Variants in CNR2 observed in about 807,000 individuals in gnomAD.
CNR2 encodes cannabinoid receptor 2.
For missense variants in CNR2, 379 were observed against 439.9 expected (o/e 0.86, Z 1.24); for synonymous variants, 172 against 182.2 (o/e 0.94, Z 0.45).
Position 23,899,155 on chromosome 1 carries a change from G to A in CNR2, c.-46+14091C>T, listed in dbSNP as rs571855994. 6.7e-4 allele frequency among the ~76,000 whole-genome samples: 102 copies of A among 152,096 alleles called. 1 individual carries two copies. The highest frequency in any genetic ancestry group is 2.3e-3 in the African/African-American group (95 of 41,482). On this transcript the variant is annotated intron_variant, in intron 1 of 1. Coordinates refer to ENST00000374472, the MANE Select transcript of CNR2 (RefSeq NM_001841.3). ...TGGAGATAGACTGTCTCATTTTCACGATCTTATCTATGAGGAACCAGAGGC... is the reference window on the plus strand; with the variant it reads ...TGGAGATAGACTGTCTCATTTTCACAATCTTATCTATGAGGAACCAGAGGC...
At chr1:23,880,473 C>T (rs1639963991) in intron 1 of CNR2, among the ~76,000 whole-genome samples, 3 of 152,096 alleles carry the variant, frequency 2.0e-5, no homozygotes, top group South Asian at 4.1e-4. Flanking sequence ...TGCACCTAGC[C>T]CAACCTCCAG....
At chr1:23,902,734 T>C in intron 1 of CNR2, 1 of 1,558,598 alleles carries the variant, frequency 6.4e-7, no homozygotes, top group Non-Finnish European at 8.6e-7. Context: ...TCGCGCAGCG[T>C]GGGGGACCGC....
chr1:23,894,502 A>G (rs1284497757), intron 1 of CNR2, among the ~76,000 whole-genome samples: 4 of 148,720 alleles, frequency 2.7e-5, no homozygotes, highest in Admixed American at 6.7e-5. Flanking sequence ...GGAAGGAAGG[A>G]AGGGAGGGAA....
chr1:23,890,555 G>A (rs1402884391), intron 1 of CNR2, among the ~76,000 whole-genome samples: 1 of 151,988 alleles, frequency 6.6e-6, no homozygotes, highest in Non-Finnish European at 1.5e-5. Context: ...AGACCAGACT[G>A]GCCAACATGG....
chr1:23,878,812 AATTTT>A (rs1639931478), intron 1 of CNR2, among the ~76,000 whole-genome samples: 2 of 152,238 alleles, frequency 1.3e-5, no homozygotes, highest in African/African-American at 4.8e-5. Flanking sequence ...AACCATAATT[AATTTT>A]AAGAGCAGAT....
chr1:23,898,335 C>CCAATTTTTTTTTTTTT (rs1230917304), intron 1 of CNR2, among the ~76,000 whole-genome samples: 1 of 108,226 alleles, frequency 9.2e-6, no homozygotes, highest in Non-Finnish European at 1.8e-5. Context: ...CCGCGCCCGG[C>CCAATTTTTTTTTTTTT]TTTTTTTTTT....
chr1:23,875,344 C>G lies in CNR2; in HGVS notation c.274G>C (p.Val92Leu), dbSNP rs772338354. Residue 92 changes from valine (V) to leucine (L), a missense_variant, in exon 2 of 2, where the codon GTG (valine) becomes CTG (leucine). Transcript: ENST00000374472. ...LASVVFACSF[V>L]NFHVFHGVDS... is the part of the protein sequence containing the mutation. Reference sequence around the variant, plus strand: ...ACACCATGGAAAACATGGAAATTCACAAAGCTGCATGCAAAGACCACACTG... The same window carrying G: ...ACACCATGGAAAACATGGAAATTCAGAAAGCTGCATGCAAAGACCACACTG... 9.3e-6 allele frequency: 15 copies of G among 1,614,106 alleles called. No individual in the cohort carries two copies. Among genetic ancestry groups the G allele is most frequent in the Non-Finnish European group, 1.3e-5 (15 of 1,180,048 alleles).
rs1380841340 is a variant in CNR2, at chr1:23,873,206, C to G, written c.*1329G>C. The G allele has an allele frequency of 1.3e-5, 2 of 152,018 alleles. No homozygotes were observed. The highest frequency in any genetic ancestry group is 2.9e-5 in the Non-Finnish European group (2 of 68,006). 9.4% of individuals were successfully genotyped at this position (152,018 alleles called of 1,614,324 possible). On this transcript the variant is annotated 3_prime_UTR_variant, in exon 2 of 2. Transcript: ENST00000374472. ...GGCTCCTCTGGGAGGAACCCAGCCT[C>G]CCTCATATGAAAAATGAGTACCCTG...
At chr1:23,896,503 A>T (rs910510874) in intron 1 of CNR2, among the ~76,000 whole-genome samples, 1 of 152,246 alleles carries the variant, frequency 6.6e-6, no homozygotes, top group Non-Finnish European at 1.5e-5. Flanking sequence ...TATAGATGCT[A>T]TATATGTGAA....
At chr1:23,886,970 A>G (rs1334206758) in intron 1 of CNR2, among the ~76,000 whole-genome samples, 1 of 152,168 alleles carries the variant, frequency 6.6e-6, no homozygotes, top group Non-Finnish European at 1.5e-5. Flanking sequence ...CAGTGGCACA[A>G]TCTCGGCTCA....
intron 1 of CNR2, among the ~76,000 whole-genome samples, chr1:23,889,956 A>G (rs1430931784): frequency 6.6e-6 from 1 of 152,188 alleles, no homozygotes; most frequent in East Asian, 1.9e-4. Flanking sequence ...GATGCTTAAT[A>G]GAGTTAGTTT....
At chr1:23,876,460 C>T (rs974757160) in intron 1 of CNR2, among the ~76,000 whole-genome samples, 2 of 151,760 alleles carry the variant, frequency 1.3e-5, no homozygotes, top group South Asian at 2.1e-4. Flanking sequence ...ACCTCAGCCT[C>T]CTAAAGTGCT....
At chr1:23,903,927 A>G (rs899914313) in intron 1 of CNR2, among the ~76,000 whole-genome samples, 5 of 152,306 alleles carry the variant, frequency 3.3e-5, no homozygotes, top group Admixed American at 6.5e-5. Context: ...CAGGTCTGCA[A>G]CTGTCACAGG....
chr1:23,876,255 G>T (rs1224786823), intron 1 of CNR2, among the ~76,000 whole-genome samples: 1 of 151,714 alleles, frequency 6.6e-6, no homozygotes, highest in East Asian at 1.9e-4. Context: ...TGCCCAGGCT[G>T]GAGTGCAGTG....
At chr1:23,902,150 G>A in intron 1 of CNR2, 1 of 1,417,152 alleles carries the variant, frequency 7.1e-7, no homozygotes, top group Admixed American at 1.7e-5. Context: ...GGCAGCCCCT[G>A]CCTCTTGCAC....
chr1:23,910,654 CAAAAA>C (rs34083515), intron 1 of CNR2, among the ~76,000 whole-genome samples: 2 of 32,196 alleles, frequency 6.2e-5, no homozygotes, highest in Admixed American at 4.6e-4. Context: ...AACGCTGTCT[CAAAAA>C]AAAAAAAAAA....
Position 23,875,499 on chromosome 1 carries a change from C to T in CNR2, c.119G>A (p.Cys40Tyr), listed in dbSNP as rs754221879. Residue 40 changes from cysteine (C) to tyrosine (Y), a missense_variant, in exon 2 of 2, where the codon TGC (cysteine) becomes TAC (tyrosine). By Grantham distance (194) the Cys-to-Tyr change is radical. Coordinates refer to ENST00000374472, the MANE Select transcript of CNR2 (RefSeq NM_001841.3). ...GPQKTAVAVL[C>Y]TLLGLLSALE... Reference sequence around the variant, plus strand: ...GGCACTTAGCAGGCCCAGAAGAGTGCACAACACAGCAACAGCTGTCTTCTG... The same window carrying T: ...GGCACTTAGCAGGCCCAGAAGAGTGTACAACACAGCAACAGCTGTCTTCTG... The T allele has an allele frequency of 6.8e-6, 11 of 1,614,136 alleles. No individual in the cohort carries two copies. The Admixed American group carries it at 1.8e-4, about 27-fold the overall frequency.
chr1:23,884,876 C>G (rs915382384), intron 1 of CNR2, among the ~76,000 whole-genome samples: 2 of 151,958 alleles, frequency 1.3e-5, no homozygotes, highest in Non-Finnish European at 2.9e-5. Context: ...TCTCAACTCA[C>G]TGCAACCTCC....
intron 1 of CNR2, among the ~76,000 whole-genome samples, chr1:23,910,323 T>A (rs16860719): frequency 2.0e-5 from 3 of 151,562 alleles, no homozygotes; most frequent in Non-Finnish European, 4.4e-5. Context: ...TGGTTAGTGA[T>A]AGCAGCCCCC....
Sources: gnomAD v4.1 joint callset for allele counts (sites outside exome capture counted in the v4.1 genomes callset) on GRCh38, gnomAD v4.1.1 for gene constraint, MANE v1.5 for transcripts, NCBI Gene and HGNC (gene_info 2026-07-23, HGNC 2026-07-21) for gene names.